Variants in TRERF1 observed in about 807,000 individuals in gnomAD.
TRERF1 encodes transcriptional-regulating factor 1.
TRERF1 carries 27 observed loss-of-function variants against 122.9 expected under a neutral mutation model. That is an observed-to-expected ratio of 0.22 (90% confidence interval 0.16 to 0.30). The LOEUF is 0.30. TRERF1 is among the 10% of genes least tolerant of loss of function. The pLI, the probability that TRERF1 is intolerant of heterozygous loss-of-function variation, is 1.00. For missense variants in TRERF1, 1,248 were observed against 1,560.3 expected (o/e 0.80, Z 3.37); for synonymous variants, 636 against 641.7 (o/e 0.99, Z 0.13).
rs994095790 is a variant in TRERF1, at chr6:42,243,008, C to T, written c.2859+240G>A. The stretch of plus-strand genomic sequence containing the variant: ...CTTCTGGCTCCTAGCTGCCTTGAAG[C>T]GGGCACCAGCCCTCACCTCTGTTTC... On this transcript the variant is annotated intron_variant, in intron 15 of 17. Coordinates refer to ENST00000372922, the Ensembl canonical transcript of TRERF1. Among the ~76,000 whole-genome samples, 3 of 152,276 alleles carry T rather than the reference C, an allele frequency of 2.0e-5. No individual in the cohort carries two copies. In the East Asian group the frequency reaches 5.8e-4, roughly 29 times the overall value.
chr6:42,353,902 T>G lies in TRERF1; in HGVS notation c.-371+9095A>C, dbSNP rs1343290257. Among the ~76,000 whole-genome samples, 5 of 152,368 alleles carry G rather than the reference T, an allele frequency of 3.3e-5. No homozygotes were observed. In the East Asian group the frequency reaches 7.7e-4, roughly 23 times the overall value. ...GGGAGGATTTTAATAAAAATCGTGA[T>G]GGTAGTTCTGGAATTATATATTTGC... On this transcript the variant is annotated intron_variant, in intron 3 of 17. Transcript: ENST00000372922.
At chr6:42,397,157 A>G (rs984397953) in intron 2 of TRERF1, among the ~76,000 whole-genome samples, 2 of 152,218 alleles carry the variant, frequency 1.3e-5, no homozygotes, top group African/African-American at 4.8e-5. Flanking sequence ...GTAACAGAGA[A>G]GGGGGAGAAA....
At chr6:42,357,439 G>C (rs60932335) in intron 3 of TRERF1, among the ~76,000 whole-genome samples, 3 of 151,714 alleles carry the variant, frequency 2.0e-5, no homozygotes, top group Non-Finnish European at 4.4e-5. Flanking sequence ...AAACGGTAAC[G>C]CTTTGCCTAA....
intron 3 of TRERF1, among the ~76,000 whole-genome samples, chr6:42,301,010 G>A (rs1786067735): frequency 6.6e-6 from 1 of 151,836 alleles, no homozygotes; most frequent in African/African-American, 2.4e-5. Flanking sequence ...CAGAGAGAGA[G>A]AGAGAGACAG....
rs566745796 is a variant in TRERF1, at chr6:42,233,379, A to G, written c.3067-487T>C. On this transcript the variant is annotated intron_variant, in intron 16 of 17. Coordinates refer to ENST00000372922, the Ensembl canonical transcript of TRERF1. Reference sequence around the variant, plus strand: ...CAGCTCACTGCAAGCTCCGCCTCCCAGGTTCACACCATTCTCCTGCCTCAG... The same window carrying G: ...CAGCTCACTGCAAGCTCCGCCTCCCGGGTTCACACCATTCTCCTGCCTCAG... Among the ~76,000 whole-genome samples, 1,061 of 141,238 alleles carry G rather than the reference A, an allele frequency of 7.5e-3. 20 individuals carry two copies. Among genetic ancestry groups the G allele is most frequent in the African/African-American group, 0.027 (1,001 of 37,134 alleles). The allele number at this position is 141,238 out of a possible 152,430, so 92.7% of individuals were successfully genotyped here.
chr6:42,256,095 C>T (rs1421229045), intron 12 of TRERF1, among the ~76,000 whole-genome samples: 2 of 146,298 alleles, frequency 1.4e-5, no homozygotes. Context: ...CATGCCATTG[C>T]ACTCCAGCCT....
At chr6:42,267,981 T>C (rs1779509114) in intron 5 of TRERF1, among the ~76,000 whole-genome samples, 173 bp downstream of exon 5, 1 of 152,242 alleles carries the variant, frequency 6.6e-6, no homozygotes, top group Admixed American at 6.5e-5. Context: ...GAGATTGATT[T>C]TGTATTCCAA....
intron 14 of TRERF1, among the ~76,000 whole-genome samples, chr6:42,243,665 CT>C (rs1292239393): frequency 6.6e-6 from 1 of 151,494 alleles, no homozygotes; most frequent in Admixed American, 6.6e-5. Flanking sequence ...ACTGCAACCT[CT>C]GCCTCCCAGG....
At chr6:42,299,652 T>TA (rs1485159815) in intron 4 of TRERF1, among the ~76,000 whole-genome samples, 1 of 152,206 alleles carries the variant, frequency 6.6e-6, no homozygotes. Flanking sequence ...CTATATCCAA[T>TA]ATTTAAAGAT....
Position 42,228,074 on chromosome 6 carries a change from T to C in TRERF1, c.*271A>G, listed in dbSNP as rs1174246218. ...GAACATGAAGGTCAGCTTCAGTCCC[T>C]ACTGGGAATGATTTCATGAGAAGGT... On this transcript the variant is annotated 3_prime_UTR_variant, in exon 18 of 18. Coordinates refer to ENST00000372922, the Ensembl canonical transcript of TRERF1. This position sits in a 1 kb window ranked among gnomAD's most constrained non-coding sequence, Gnocchi z 4.2. The C allele has an allele frequency of 8.7e-6, 3 of 346,314 alleles. No homozygotes were observed. Among genetic ancestry groups the C allele is most frequent in the Non-Finnish European group, 1.6e-5 (3 of 191,528 alleles). The allele number at this position is 346,314 out of a possible 1,614,324, so 21.5% of individuals were successfully genotyped here.
chr6:42,229,211 C>T (rs1162343470), intron 17 of TRERF1, among the ~76,000 whole-genome samples: 1 of 152,166 alleles, frequency 6.6e-6, no homozygotes, highest in Non-Finnish European at 1.5e-5. Context: ...GATCACAGCT[C>T]ACCATAACCT....
chr6:42,360,854 T>A (rs1771625173), intron 3 of TRERF1, among the ~76,000 whole-genome samples: 1 of 144,550 alleles, frequency 6.9e-6, no homozygotes, highest in Non-Finnish European at 1.5e-5. Context: ...CACCCTGCAG[T>A]CCACCCTATC....
At chr6:42,372,946 C>A (rs1774043016) in intron 2 of TRERF1, among the ~76,000 whole-genome samples, 1 of 152,146 alleles carries the variant, frequency 6.6e-6, no homozygotes, top group Non-Finnish European at 1.5e-5. Flanking sequence ...CTCAACTCTA[C>A]CTCTGGCTAG....
intron 3 of TRERF1, among the ~76,000 whole-genome samples, chr6:42,311,789 A>AAG (rs1561964603): frequency 8.0e-5 from 12 of 149,908 alleles, no homozygotes; most frequent in Non-Finnish European, 1.3e-4. Flanking sequence ...AAAAAAAAAA[A>AAG]AGAGATCATG....
At chr6:42,278,466 A>G (rs1334043271) in intron 4 of TRERF1, among the ~76,000 whole-genome samples, 1 of 152,244 alleles carries the variant, frequency 6.6e-6, no homozygotes, top group Non-Finnish European at 1.5e-5. Flanking sequence ...CCAAGGAGAA[A>G]GTAGCAGATG....
At chr6:42,431,670 C>T (rs1017676988) in intron 2 of TRERF1, among the ~76,000 whole-genome samples, 1 of 152,130 alleles carries the variant, frequency 6.6e-6, no homozygotes. Flanking sequence ...CAACACTAGC[C>T]GGTCAAGCCA....
chr6:42,423,656 T>A (rs1446692287), intron 2 of TRERF1, among the ~76,000 whole-genome samples: 1 of 152,066 alleles, frequency 6.6e-6, no homozygotes, highest in African/African-American at 2.4e-5. Flanking sequence ...AAGAAAAAAA[T>A]AAAATAAAAT....
chr6:42,256,669 T>G, intron 12 of TRERF1, 59 bp downstream of exon 12: 3 of 1,506,212 alleles, frequency 2.0e-6, no homozygotes, highest in Non-Finnish European at 2.8e-6. Context: ...GAGACAATAT[T>G]GAAACTTGGG....
chr6:42,391,074 A>C (rs541845671), intron 2 of TRERF1, among the ~76,000 whole-genome samples: 33 of 152,346 alleles, frequency 2.2e-4, no homozygotes, highest in African/African-American at 7.7e-4. Flanking sequence ...CCTTCCTGTT[A>C]CAGAGGACAC....
Sources: allele counts gnomAD v4.1 joint callset (sites outside exome capture counted in the v4.1 genomes callset), GRCh38; gene constraint gnomAD v4.1.1; non-coding constraint Gnocchi (gnomAD v3.1); transcripts MANE v1.5; gene names NCBI Gene and HGNC (gene_info 2026-07-23, HGNC 2026-07-21).